Variants in STAP1 observed in about 807,000 individuals in gnomAD.
The protein encoded by STAP1 is signal-transducing adaptor protein 1.
In STAP1, 30 loss-of-function variants were observed where a neutral mutation model predicts 37.8. The observed-to-expected ratio is 0.79, with a 90% confidence interval of 0.59 to 1.08. STAP1 has a LOEUF of 1.08. Among genes scored for constraint, STAP1 ranks in the 50% least tolerant of loss-of-function variants. The pLI, the probability that STAP1 is intolerant of heterozygous loss-of-function variation, is 0.00. For missense variants in STAP1, 357 were observed against 349.4 expected, an observed-to-expected ratio of 1.02 and a Z score of -0.17; for synonymous variants, 130 against 116.0, an observed-to-expected ratio of 1.12 and a Z score of -0.78.
At chr4:67,602,777 G>A (rs1445650389) in intron 8 of STAP1, among the ~76,000 whole-genome samples, 2 of 149,726 alleles carry the variant, frequency 1.3e-5, no homozygotes, top group African/African-American at 4.9e-5. Context: ...GGGAGGGGTG[G>A]ACATAAGCAC....
intron 1 of STAP1, among the ~76,000 whole-genome samples, chr4:67,559,476 G>A (rs1339020867): frequency 2.6e-5 from 4 of 152,112 alleles, no homozygotes; most frequent in African/African-American, 9.6e-5. Context: ...TCAAGATAGT[G>A]ACTTTTAATT....
chr4:67,584,796 C>T (rs1727945147), intron 6 of STAP1, among the ~76,000 whole-genome samples: 1 of 152,110 alleles, frequency 6.6e-6, no homozygotes, highest in Admixed American at 6.5e-5. Flanking sequence ...AGGGTAGGGA[C>T]ACATCACTCA....
intron 3 of STAP1, among the ~76,000 whole-genome samples, chr4:67,575,819 A>C (rs1220647295): frequency 6.6e-6 from 1 of 152,168 alleles, no homozygotes; most frequent in African/African-American, 2.4e-5. Flanking sequence ...CCACGGTAAT[A>C]ACATAAAGAG....
chr4:67,569,671 G>A lies in STAP1; in HGVS notation c.121-1413G>A, dbSNP rs987244849. On this transcript the variant is annotated intron_variant, in intron 1 of 8. Transcript: ENST00000265404. ...ACTAAGACACACATACATTAGCCTA[G>A]GCCTACGCAGGGTCAAGATTATCAA... 4.6e-5 allele frequency among the ~76,000 whole-genome samples: 7 copies of A among 151,334 alleles called. No individual in the cohort carries two copies. The South Asian group carries it at 1.5e-3, about 32-fold the overall frequency.
At position 67,576,275 on chromosome 4, in the gene STAP1, T is replaced by C. The variant is rs376510068; in HGVS notation, c.306+777T>C. 1.5e-3 allele frequency among the ~76,000 whole-genome samples: 223 copies of C among 152,286 alleles called. 2 individuals carry two copies. Among genetic ancestry groups the C allele is most frequent in the African/African-American group, 5.2e-3 (215 of 41,540 alleles). On this transcript the variant is annotated intron_variant, in intron 3 of 8. Transcript: ENST00000265404. Reference sequence around the variant, plus strand: ...CTTACCCTGCTGTACCTTTAATTTTTCTCATTTCTTTCTTTTCGACACTAT... The same window carrying C: ...CTTACCCTGCTGTACCTTTAATTTTCCTCATTTCTTTCTTTTCGACACTAT...
intron 8 of STAP1, among the ~76,000 whole-genome samples, chr4:67,595,087 A>T (rs1728195998): frequency 1.3e-5 from 2 of 152,140 alleles, no homozygotes; most frequent in Non-Finnish European, 2.9e-5. Flanking sequence ...ACTCTGCCTA[A>T]CCTAAAATCA....
Position 67,603,991 on chromosome 4 carries a change from G to A in STAP1, c.827-2305G>A, listed in dbSNP as rs114673623. Among the ~76,000 whole-genome samples the A allele has an allele frequency of 6.5e-3, 983 of 152,218 alleles. 13 individuals are homozygous for A. The highest frequency in any genetic ancestry group is 0.022 in the African/African-American group (919 of 41,536). ...CTAAACTGCCTTTCAAATTTATTTCGAACCCTAGATCACTTTAGCCTGTGG... is the reference window on the plus strand; with the variant it reads ...CTAAACTGCCTTTCAAATTTATTTCAAACCCTAGATCACTTTAGCCTGTGG... On this transcript the variant is annotated intron_variant, in intron 8 of 8. Coordinates refer to ENST00000265404, the MANE Select transcript of STAP1 (RefSeq NM_012108.4).
At chr4:67,579,007 A>C (rs896628832) in intron 4 of STAP1, among the ~76,000 whole-genome samples, 3 of 151,892 alleles carry the variant, frequency 2.0e-5, no homozygotes, top group African/African-American at 7.3e-5. Context: ...TTTTTTAAAA[A>C]ATATTTTTAG....
intron 1 of STAP1, among the ~76,000 whole-genome samples, chr4:67,566,681 G>A (rs982564377): frequency 1.3e-5 from 2 of 152,164 alleles, no homozygotes; most frequent in African/African-American, 2.4e-5. Context: ...GAATAGATTC[G>A]AAAGTAGGTT....
intron 1 of STAP1, among the ~76,000 whole-genome samples, chr4:67,562,340 T>C (rs993272293): frequency 6.6e-6 from 1 of 151,804 alleles, no homozygotes; most frequent in Non-Finnish European, 1.5e-5. Flanking sequence ...AAACTCCGTC[T>C]CAAAAAAAAA....
At chr4:67,599,640 T>G (rs890144738) in intron 8 of STAP1, among the ~76,000 whole-genome samples, 1 of 151,882 alleles carries the variant, frequency 6.6e-6, no homozygotes, top group Non-Finnish European at 1.5e-5. Context: ...TTTTTTCTTT[T>G]TCTTTTTTTT....
intron 1 of STAP1, among the ~76,000 whole-genome samples, chr4:67,566,414 T>C (rs1308409332): frequency 1.3e-5 from 2 of 152,236 alleles, no homozygotes; most frequent in Non-Finnish European, 2.9e-5. Flanking sequence ...AAAACTGTGC[T>C]TATATTTTAC....
intron 2 of STAP1, among the ~76,000 whole-genome samples, chr4:67,573,920 C>T (rs1293140982): frequency 6.6e-6 from 1 of 151,976 alleles, no homozygotes; most frequent in African/African-American, 2.4e-5. Flanking sequence ...CATAAAAACC[C>T]TACTATACTT....
At chr4:67,577,144 T>C (rs1223887966) in intron 3 of STAP1, 59 bp from the exon 4 acceptor site, 1 of 1,465,002 alleles carries the variant, frequency 6.8e-7, no homozygotes, top group African/African-American at 1.4e-5. Flanking sequence ...ATTTATTTTA[T>C]GCTCAATCAC....
chr4:67,562,088 A>AAAAG lies in STAP1; in HGVS notation c.120+3169_120+3172dup, dbSNP rs1179980054. Among the ~76,000 whole-genome samples the AAAAG allele has an allele frequency of 8.7e-3, 975 of 112,484 alleles. 6 individuals are homozygous for AAAAG. The highest frequency in any genetic ancestry group is 0.013 in the Non-Finnish European group (688 of 53,594). The allele number at this position is 112,484 out of a possible 152,430, so 73.8% of individuals were successfully genotyped here. On this transcript the variant is annotated intron_variant, in intron 1 of 8. Coordinates refer to ENST00000265404, the MANE Select transcript of STAP1 (RefSeq NM_012108.4). ...TCTGTCAAAAAAAAAAAAAAAAAAA[A>AAAAG]AAAGAAAGAAAGAGAGAAAGAAAGA...
At chr4:67,560,831 T>C (rs1727320732) in intron 1 of STAP1, among the ~76,000 whole-genome samples, 1 of 152,070 alleles carries the variant, frequency 6.6e-6, no homozygotes, top group South Asian at 2.1e-4. Context: ...GTATTGTTTA[T>C]AGAGACAGGG....
At chr4:67,578,825 T>C (rs956750496) in intron 4 of STAP1, among the ~76,000 whole-genome samples, 1 of 131,896 alleles carries the variant, frequency 7.6e-6, no homozygotes, top group African/African-American at 3.0e-5. Flanking sequence ...ATCAAATTTA[T>C]GTGAATTTTT....
chr4:67,598,092 T>C (rs2200592), intron 8 of STAP1, among the ~76,000 whole-genome samples: 152,129 of 152,256 alleles, frequency 1, 76,001 homozygotes, highest in Middle Eastern at 1. Flanking sequence ...GGGAGGGATC[T>C]GGTGGGAGGT....
rs33988978 is a variant in STAP1 at position 67,570,691 on chromosome 4, G to GGAAA, written c.121-378_121-375dup. ...AAGAAAAGAAAAGAAAAAGAGAGAA[G>GGAAA]GAAAGAAAGAAAGAAAGAGAAAGGA... is the stretch of plus-strand genomic sequence containing the variant. On this transcript the variant is annotated intron_variant, in intron 1 of 8. Transcript: ENST00000265404. Among the ~76,000 whole-genome samples the GGAAA allele has an allele frequency of 1.6e-4, 24 of 147,936 alleles. No individual in the cohort carries two copies. The South Asian group carries it at 1.7e-3, about 11-fold the overall frequency.
Sources: gnomAD v4.1 joint callset for allele counts (sites outside exome capture counted in the v4.1 genomes callset) on GRCh38, gnomAD v4.1.1 for gene constraint, MANE v1.5 for transcripts, NCBI Gene and HGNC (gene_info 2026-07-23, HGNC 2026-07-21) for gene names.